HHIP: variants seen among roughly 807,000 people sequenced by gnomAD.
The protein encoded by HHIP is hedgehog interacting protein.
In HHIP, 12 loss-of-function variants were observed where a neutral mutation model predicts 74.0. The ratio of observed to expected loss-of-function variants is 0.16; its 90% CI spans 0.10 to 0.26. The LOEUF (loss-of-function observed/expected upper bound fraction) is 0.26. HHIP is among the 10% of genes least tolerant of loss of function. HHIP has a pLI of 1.00. For synonymous variants in HHIP, 309 were observed against 311.6 expected (o/e 0.99, Z 0.09); for missense variants, 788 against 845.0 (o/e 0.93, Z 0.84).
Position 144,735,014 on chromosome 4 carries a change from T to C in HHIP, c.1909+125T>C, listed in dbSNP as rs1283587007. ...TTCAAAAGTATTTAGCCATTTACAA[T>C]ACTATTAATGCTCATCTGTTTATGA... On this transcript the variant is annotated intron_variant, in intron 12 of 12. Transcript: ENST00000296575. The C allele has an allele frequency of 3.7e-6, 3 of 812,418 alleles. No individual in the cohort carries two copies. In the Admixed American group the frequency reaches 9.0e-5, roughly 24 times the overall value. 50.3% of individuals were successfully genotyped at this position (812,418 alleles called of 1,614,324 possible).
intron 4 of HHIP, 34 bp from the exon 5 acceptor site, chr4:144,706,497 T>C (rs1369924005): frequency 6.5e-7 from 1 of 1,533,374 alleles, no homozygotes; most frequent in East Asian, 2.4e-5. Flanking sequence ...CATAATTAAC[T>C]TTACAATTCT....
chr4:144,674,203 C>T (rs1218109128), intron 4 of HHIP, among the ~76,000 whole-genome samples: 2 of 152,162 alleles, frequency 1.3e-5, no homozygotes, highest in Non-Finnish European at 2.9e-5. Flanking sequence ...GTACCAACCT[C>T]GTTTCCATAC....
At chr4:144,723,022 A>C (rs891683575) in intron 11 of HHIP, among the ~76,000 whole-genome samples, 2 of 152,198 alleles carry the variant, frequency 1.3e-5, no homozygotes, top group African/African-American at 4.8e-5. Context: ...ATTTTTTTAT[A>C]GTATTGACAA....
intron 4 of HHIP, among the ~76,000 whole-genome samples, chr4:144,699,136 G>C (rs1729906286): frequency 6.6e-6 from 1 of 152,158 alleles, no homozygotes; most frequent in East Asian, 1.9e-4. Flanking sequence ...CCATAAGACT[G>C]CTCCTACTTC....
At chr4:144,687,626 A>G (rs934196898) in intron 4 of HHIP, among the ~76,000 whole-genome samples, 3 of 152,030 alleles carry the variant, frequency 2.0e-5, no homozygotes, top group African/African-American at 7.2e-5. Flanking sequence ...CCCTAAATTA[A>G]GCTGATGCTT....
Position 144,707,235 on chromosome 4 carries a change from G to A in HHIP, c.1132G>A (p.Asp378Asn). ...TGGTGATGGGATGATTACACTGGATGATATGGAAGAAATGGATGGGTTAAG... is the reference window on the plus strand; with the variant it reads ...TGGTGATGGGATGATTACACTGGATAATATGGAAGAAATGGATGGGTTAAG... Reference protein sequence around the residue: ...ILGDGMITLDDMEEMDGLSDF... With the variant: ...ILGDGMITLDNMEEMDGLSDF... Residue 378 changes from aspartate to asparagine, a missense_variant, in exon 6 of 13, where the codon GAT (aspartate) becomes AAT (asparagine). Around this residue, in one of 3 missense-constraint regions of HHIP, gnomAD observed 72 missense variants for 130.6 expected, o/e 0.55. Transcript: ENST00000296575. 6.2e-7 allele frequency: 1 copy of A among 1,612,248 alleles called. No individual in the cohort carries two copies. Among genetic ancestry groups the A allele is most frequent in the Non-Finnish European group, 8.5e-7 (1 of 1,179,320 alleles).
intron 4 of HHIP, among the ~76,000 whole-genome samples, chr4:144,665,077 T>A (rs1222322868): frequency 2.0e-5 from 3 of 152,194 alleles, no homozygotes; most frequent in African/African-American, 7.2e-5. Flanking sequence ...TTTGTGTGTG[T>A]TTGTTCATTT....
intron 2 of HHIP, among the ~76,000 whole-genome samples, chr4:144,656,039 A>G (rs114996693): frequency 0.011 from 1,639 of 152,284 alleles, 27 homozygotes; most frequent in African/African-American, 0.038. Context: ...TATTATGATG[A>G]TCCCGAGTGA....
Position 144,646,529 on chromosome 4 carries a change from A to G in HHIP, c.-147A>G. Reference sequence around the variant, plus strand: ...TTTTTGCAAAGTTGCATCGCTGTACATATTTTTGTCCCCGCCACCTCCCTC... The same window carrying G: ...TTTTTGCAAAGTTGCATCGCTGTACGTATTTTTGTCCCCGCCACCTCCCTC... On this transcript the variant is annotated 5_prime_UTR_variant, in exon 1 of 13. Transcript: ENST00000296575. 6.9e-6 allele frequency: 5 copies of G among 726,300 alleles called. No individual in the cohort carries two copies. The South Asian group carries it at 7.5e-5, about 11-fold the overall frequency. The allele number at this position is 726,300 out of a possible 1,614,324, so 45.0% of individuals were successfully genotyped here.
chr4:144,660,365 A>G (rs541761439), intron 4 of HHIP: 1 of 154,308 alleles, frequency 6.5e-6, no homozygotes, highest in Non-Finnish European at 1.4e-5. Flanking sequence ...TCACTTCTCT[A>G]ATTTGAATTC....
At chr4:144,709,483 A>T (rs891054755) in intron 7 of HHIP, among the ~76,000 whole-genome samples, 20 of 152,256 alleles carry the variant, frequency 1.3e-4, no homozygotes, top group African/African-American at 4.3e-4. Context: ...TGCTTTACAG[A>T]CCAGATGTGT....
chr4:144,668,885 C>T (rs931714519), intron 4 of HHIP, among the ~76,000 whole-genome samples: 7 of 152,112 alleles, frequency 4.6e-5, no homozygotes, highest in African/African-American at 1.7e-4. Context: ...AATCTGTAAG[C>T]AAATTTGCTC....
In HHIP at chr4:144,674,061, C is replaced by T. The variant is rs146803371; in HGVS notation, c.831+14223C>T. ...CTCTGTGTTTCCTTGAGAGAATTCCCATGATGCCAATTAACCTAACTTATT... is the reference window on the plus strand; with the variant it reads ...CTCTGTGTTTCCTTGAGAGAATTCCTATGATGCCAATTAACCTAACTTATT... On this transcript the variant is annotated intron_variant, in intron 4 of 12. Transcript: ENST00000296575. Among the ~76,000 whole-genome samples the T allele has an allele frequency of 1.6e-3, 240 of 152,292 alleles. 2 individuals carry two copies. Among genetic ancestry groups the T allele is most frequent in the Middle Eastern group, 6.8e-3 (2 of 294 alleles).
At chr4:144,691,239 T>C (rs1190616928) in intron 4 of HHIP, among the ~76,000 whole-genome samples, 1 of 152,210 alleles carries the variant, frequency 6.6e-6, no homozygotes, top group Non-Finnish European at 1.5e-5. Flanking sequence ...TCTGGATTTC[T>C]AATATAAACA....
chr4:144,711,973 C>A lies in HHIP; in HGVS notation c.1325C>A (p.Thr442Asn), dbSNP rs1350286920. 2.5e-6 allele frequency: 4 copies of A among 1,611,726 alleles called. No homozygotes were observed. In the East Asian group the frequency reaches 8.9e-5, roughly 36 times the overall value. ...AGATGTGCTGTGGATAGACATCCCA[C>A]TGATATAAACATCAATTTAACGATA... Reference protein sequence around the residue: ...PGRCAVDRHPTDININLTILC... With the variant: ...PGRCAVDRHPNDININLTILC... The change falls in exon 8 of 13, where the codon ACT becomes AAT. Residue 442 changes from threonine (T) to asparagine (N), a missense_variant. By Grantham distance (65) the Thr-to-Asn change is moderately conservative. Around this residue, in one of 3 missense-constraint regions of HHIP, gnomAD observed 343 missense variants for 347.9 expected, o/e 0.99. Transcript: ENST00000296575.
At chr4:144,665,182 C>T (rs1347582879) in intron 4 of HHIP, among the ~76,000 whole-genome samples, 1 of 152,112 alleles carries the variant, frequency 6.6e-6, no homozygotes, top group Non-Finnish European at 1.5e-5. Context: ...GATTCTCCTG[C>T]CTCAGCCTTC....
intron 11 of HHIP, among the ~76,000 whole-genome samples, chr4:144,733,043 GAAAT>G (rs1237147915): frequency 6.6e-6 from 1 of 152,136 alleles, no homozygotes; most frequent in Non-Finnish European, 1.5e-5. Context: ...AAATGAGAAA[GAAAT>G]AGAATATACT....
intron 4 of HHIP, chr4:144,661,378 G>A (rs1728709088): frequency 6.6e-6 from 1 of 152,162 alleles, no homozygotes. Context: ...TTCCAGAAGA[G>A]CTCCCAGGTT....
chr4:144,657,329 C>T (rs1224872857), intron 2 of HHIP, among the ~76,000 whole-genome samples: 2 of 152,108 alleles, frequency 1.3e-5, no homozygotes, highest in African/African-American at 4.8e-5. Flanking sequence ...CTTAGAAATC[C>T]TTGCTAAATC....
Sources: gnomAD v4.1 joint callset for allele counts (sites outside exome capture counted in the v4.1 genomes callset) on GRCh38, gnomAD v4.1.1 for gene constraint, gnomAD v4.1.1 regional missense constraint, MANE v1.5 for transcripts, NCBI Gene and HGNC (gene_info 2026-07-23, HGNC 2026-07-21) for gene names.